CHRM3: variants seen among roughly 807,000 people sequenced by gnomAD.
CHRM3 encodes muscarinic acetylcholine receptor M3.
Under a neutral mutation model 41.8 loss-of-function variants are expected in CHRM3, and 11 were observed. The ratio of observed to expected loss-of-function variants is 0.26; its 90% CI spans 0.17 to 0.44. The LOEUF is 0.44. CHRM3 is among the 20% of genes least tolerant of loss of function. The pLI, the probability that CHRM3 is intolerant of heterozygous loss-of-function variation, is 1.00. For missense variants in CHRM3, 571 were observed against 745.4 expected, an observed-to-expected ratio of 0.77 and a Z score of 2.72; for synonymous variants, 297 against 301.4, an observed-to-expected ratio of 0.99 and a Z score of 0.15.
intron 5 of CHRM3, among the ~76,000 whole-genome samples, chr1:239,724,020 C>T (rs946159596): frequency 6.6e-6 from 1 of 151,726 alleles, no homozygotes; most frequent in Non-Finnish European, 1.5e-5. Context: ...GCTGTACAGC[C>T]TCTGGTATTC....
intron 1 of CHRM3, among the ~76,000 whole-genome samples, chr1:239,455,200 C>T (rs191566934): frequency 3.9e-5 from 6 of 152,042 alleles, no homozygotes; most frequent in South Asian, 2.1e-4. Flanking sequence ...TACAAGCATA[C>T]GCTACCACGC....
rs1241932517 is a variant in CHRM3, at chr1:239,541,080, A to G, written c.-421-4561A>G. On this transcript the variant is annotated intron_variant, in intron 2 of 6. Coordinates refer to ENST00000676153, the MANE Select transcript of CHRM3 (RefSeq NM_001375978.1). ...TTTCTTATAATTATAATATTGATGG[A>G]AAAAAAATTCTTAGTTGGGGCCAAT... Among the ~76,000 whole-genome samples, 4 of 151,948 alleles carry G rather than the reference A, an allele frequency of 2.6e-5. No homozygotes were observed. The East Asian group carries it at 7.7e-4, about 29-fold the overall frequency.
intron 5 of CHRM3, among the ~76,000 whole-genome samples, chr1:239,787,300 C>A (rs1008415759): frequency 6.6e-6 from 1 of 152,140 alleles, no homozygotes; most frequent in African/African-American, 2.4e-5. Context: ...GAAACAGTTT[C>A]TCCTTGAGGT....
rs565884467 is a variant in CHRM3 at position 239,529,867 on chromosome 1, G to A, written c.-421-15774G>A. Among the ~76,000 whole-genome samples, 10 of 151,972 alleles carry A rather than the reference G, an allele frequency of 6.6e-5. No homozygotes were observed. In the South Asian group the frequency reaches 1.7e-3, roughly 25 times the overall value. ...GTTTACTAGACAAACTTTATTTGAC[G>A]AGAACTCTTCAACTCCACAATTTAT... On this transcript the variant is annotated intron_variant, in intron 2 of 6. Coordinates refer to ENST00000676153, the MANE Select transcript of CHRM3 (RefSeq NM_001375978.1).
At chr1:239,755,984 A>G (rs113076178) in intron 5 of CHRM3, among the ~76,000 whole-genome samples, 1 of 152,236 alleles carries the variant, frequency 6.6e-6, no homozygotes, top group Admixed American at 6.5e-5. Flanking sequence ...TAGATGAGGC[A>G]GTTGTATGTA....
At chr1:239,701,295 T>C (rs1240452992) in intron 5 of CHRM3, among the ~76,000 whole-genome samples, 1 of 152,202 alleles carries the variant, frequency 6.6e-6, no homozygotes, top group African/African-American at 2.4e-5. Flanking sequence ...TTGTGTGGTC[T>C]TCAGACAGCC....
chr1:239,610,722 C>T (rs1234023935), intron 3 of CHRM3, among the ~76,000 whole-genome samples: 1 of 152,150 alleles, frequency 6.6e-6, no homozygotes, highest in African/African-American at 2.4e-5. Flanking sequence ...AGCCTCCACC[C>T]TCTGTGCTTT....
At chr1:239,520,319 G>T (rs1392917317) in intron 2 of CHRM3, among the ~76,000 whole-genome samples, 1 of 152,170 alleles carries the variant, frequency 6.6e-6, no homozygotes, top group Non-Finnish European at 1.5e-5. Context: ...AATCCTCAAA[G>T]TTGGAGGTGG....
At chr1:239,574,992 G>A (rs189610186) in intron 3 of CHRM3, among the ~76,000 whole-genome samples, 1 of 152,208 alleles carries the variant, frequency 6.6e-6, no homozygotes, top group East Asian at 1.9e-4. Context: ...CAGAATAGAC[G>A]GCACCATTTC....
At chr1:239,763,589 A>G (rs1666972019) in intron 5 of CHRM3, among the ~76,000 whole-genome samples, 1 of 152,204 alleles carries the variant, frequency 6.6e-6, no homozygotes, top group Non-Finnish European at 1.5e-5. Context: ...TGAAAGCATC[A>G]AAGTGCTATG....
At chr1:239,848,858 A>G (rs561690554) in intron 6 of CHRM3, among the ~76,000 whole-genome samples, 1 of 152,346 alleles carries the variant, frequency 6.6e-6, no homozygotes, top group Non-Finnish European at 1.5e-5. Context: ...TAAACGTGTC[A>G]TGGTGTTTCC....
chr1:239,601,154 C>A (rs1437632956), intron 3 of CHRM3, among the ~76,000 whole-genome samples: 1 of 152,162 alleles, frequency 6.6e-6, no homozygotes, highest in Non-Finnish European at 1.5e-5. Context: ...GGGAGTAAAT[C>A]TCATGCTAGA....
At chr1:239,731,912 C>T (rs1229876093) in intron 5 of CHRM3, among the ~76,000 whole-genome samples, 1 of 151,926 alleles carries the variant, frequency 6.6e-6, no homozygotes, top group Non-Finnish European at 1.5e-5. Flanking sequence ...TTTTTAAATA[C>T]ATATTAAGCT....
intron 3 of CHRM3, among the ~76,000 whole-genome samples, chr1:239,559,797 T>C (rs1314146124): frequency 6.6e-6 from 1 of 152,194 alleles, no homozygotes; most frequent in East Asian, 1.9e-4. Flanking sequence ...AGTTATGGAA[T>C]TAATGCCCTG....
At chr1:239,505,618 T>G (rs921660944) in intron 2 of CHRM3, among the ~76,000 whole-genome samples, 1 of 152,220 alleles carries the variant, frequency 6.6e-6, no homozygotes, top group Non-Finnish European at 1.5e-5. Context: ...CAGTCTCGGA[T>G]GTGTCTTTAT....
At chr1:239,878,886 G>A (rs1296389867) in intron 6 of CHRM3, among the ~76,000 whole-genome samples, 1 of 152,164 alleles carries the variant, frequency 6.6e-6, no homozygotes, top group African/African-American at 2.4e-5. Context: ...TGAGGAGGAA[G>A]GGCTCCAGCA....
chr1:239,665,233 A>G (rs966666797), intron 4 of CHRM3, among the ~76,000 whole-genome samples: 1 of 150,944 alleles, frequency 6.6e-6, no homozygotes, highest in Non-Finnish European at 1.5e-5. Context: ...ATTCAAAAAG[A>G]CGTTGAGCGC....
intron 1 of CHRM3, among the ~76,000 whole-genome samples, chr1:239,393,940 C>T (rs1031551036): frequency 2.0e-5 from 3 of 152,100 alleles, no homozygotes; most frequent in East Asian, 3.9e-4. Context: ...AATTATCTAT[C>T]TCTTTATATC....
Position 239,798,507 on chromosome 1 carries a change from A to G in CHRM3, c.-146-28745A>G, listed in dbSNP as rs546852689. Reference sequence around the variant, plus strand: ...GCCCCATGCACACAGCAGACACTCAATAAATATGTGCTGAATGACCACACA... The same window carrying G: ...GCCCCATGCACACAGCAGACACTCAGTAAATATGTGCTGAATGACCACACA... On this transcript the variant is annotated intron_variant, in intron 5 of 6. Transcript: ENST00000676153. 2.6e-4 allele frequency among the ~76,000 whole-genome samples: 40 copies of G among 152,314 alleles called. No individual in the cohort carries two copies. In the East Asian group the frequency reaches 4.1e-3, roughly 15 times the overall value.
Sources: allele counts gnomAD v4.1 joint callset (sites outside exome capture counted in the v4.1 genomes callset), GRCh38; gene constraint gnomAD v4.1.1; transcripts MANE v1.5; gene names NCBI Gene and HGNC (gene_info 2026-07-23, HGNC 2026-07-21).